Variants in SCGB2B2 observed in about 807,000 individuals in gnomAD.
SCGB2B2 encodes secretoglobin-like protein.
SCGB2B2 carries 11 observed loss-of-function variants against 7.6 expected under a neutral mutation model. That is an observed-to-expected ratio of 1.45 (90% CI 0.91 to 2.40). The LOEUF is 2.40. Among genes scored for constraint, SCGB2B2 ranks in the 30% most tolerant of loss-of-function variants. The pLI is 0.00. For synonymous variants in SCGB2B2, 50 were observed against 48.6 expected, an observed-to-expected ratio of 1.03 and a Z score of -0.12; for missense variants, 104 against 115.4, an observed-to-expected ratio of 0.90 and a Z score of 0.45.
intron 1 of SCGB2B2, among the ~76,000 whole-genome samples, chr19:34,665,612 T>TGTGTGC (rs1277646355): frequency 6.6e-6 from 1 of 151,902 alleles, no homozygotes; most frequent in Non-Finnish European, 1.5e-5. Flanking sequence ...GGGATGGATG[T>TGTGTGC]GTGTGACACA....
At chr19:34,671,019 G>C (rs1463659564) in intron 1 of SCGB2B2, among the ~76,000 whole-genome samples, 1 of 152,168 alleles carries the variant, frequency 6.6e-6, no homozygotes, top group African/African-American at 2.4e-5. Context: ...CGCCTCCCGG[G>C]TTCAAGCAGT....
chr19:34,599,607 C>G (rs544765352), intron 1 of SCGB2B2, among the ~76,000 whole-genome samples: 2 of 152,160 alleles, frequency 1.3e-5, no homozygotes, highest in South Asian at 4.1e-4. Flanking sequence ...AATCAATGAT[C>G]TCTCACTAGG....
Position 34,670,951 on chromosome 19 carries a change from T to C in SCGB2B2, c.-2032+4679A>G, listed in dbSNP as rs1203582738. Among the ~76,000 whole-genome samples, 4 of 151,892 alleles carry C rather than the reference T, an allele frequency of 2.6e-5. No homozygotes were observed. In the South Asian group the frequency reaches 8.3e-4, roughly 32 times the overall value. ...CTGGTTTGTTTGTTTTGAGATGGAG[T>C]CTTTCTCTGTCACCCAGGCTGGAGT... On this transcript the variant is annotated intron_variant, in intron 1 of 3. Coordinates refer to ENST00000601241, the MANE Select transcript of SCGB2B2 (RefSeq NM_001025591.4).
At chr19:34,672,497 T>C (rs2146210141) in intron 1 of SCGB2B2, among the ~76,000 whole-genome samples, 1 of 152,390 alleles carries the variant, frequency 6.6e-6, no homozygotes, top group East Asian at 1.9e-4. Context: ...TTTTGTATGT[T>C]GTGCTGTCGT....
chr19:34,674,265 A>G (rs1255804331), intron 1 of SCGB2B2, among the ~76,000 whole-genome samples: 3 of 152,326 alleles, frequency 2.0e-5, no homozygotes, highest in South Asian at 4.1e-4. Flanking sequence ...CCAAAGTGGC[A>G]GGGATCCTGG....
chr19:34,662,021 ATG>A (rs958844584), intron 1 of SCGB2B2, among the ~76,000 whole-genome samples: 4 of 152,058 alleles, frequency 2.6e-5, no homozygotes, highest in African/African-American at 9.7e-5. Flanking sequence ...CTAGGACTAC[ATG>A]TGTGTGCCAC....
intron 1 of SCGB2B2, among the ~76,000 whole-genome samples, chr19:34,640,006 T>C (rs11672207): frequency 0.29 from 44,339 of 151,944 alleles, 7,063 homozygotes; most frequent in Middle Eastern, 0.36. Context: ...TTGGGGAAAA[T>C]CTTGGACTTT....
chr19:34,597,889 T>TG (rs912201902), intron 1 of SCGB2B2, among the ~76,000 whole-genome samples: 13 of 151,638 alleles, frequency 8.6e-5, no homozygotes, highest in Admixed American at 8.5e-4. Context: ...GGGCAGGAGG[T>TG]GCCCTGGGGC....
intron 1 of SCGB2B2, among the ~76,000 whole-genome samples, chr19:34,606,132 T>A (rs1293443436): frequency 6.6e-6 from 1 of 151,996 alleles, no homozygotes; most frequent in Non-Finnish European, 1.5e-5. Flanking sequence ...TTTTAAAAAA[T>A]TTTACATAGT....
intron 1 of SCGB2B2, chr19:34,640,262 C>T (rs926738496): frequency 6.6e-6 from 1 of 152,110 alleles, no homozygotes; most frequent in African/African-American, 2.4e-5. Context: ...CCAGACCTGG[C>T]TAATTTTTAA....
intron 1 of SCGB2B2, chr19:34,646,047 C>A: frequency 3.7e-6 from 1 of 271,728 alleles, no homozygotes; most frequent in South Asian, 3.9e-5. Context: ...CCCAGAAAGC[C>A]TTGCTGTTGT....
At chr19:34,615,859 C>T (rs989114986) in intron 1 of SCGB2B2, among the ~76,000 whole-genome samples, 1 of 130,886 alleles carries the variant, frequency 7.6e-6, no homozygotes, top group Non-Finnish European at 1.6e-5. Context: ...CCACAACAGT[C>T]CCCAGAGTGT....
At chr19:34,672,979 C>T (rs935517864) in intron 1 of SCGB2B2, among the ~76,000 whole-genome samples, 4 of 148,942 alleles carry the variant, frequency 2.7e-5, no homozygotes, top group Non-Finnish European at 4.4e-5. Context: ...GTGGCGGGGG[C>T]GGGGGACAGA....
downstream of SCGB2B2, among the ~76,000 whole-genome samples, chr19:34,587,706 T>C (rs188751990): frequency 9.8e-5 from 15 of 152,354 alleles, no homozygotes; most frequent in Admixed American, 9.8e-4. Context: ...GCTACATTCC[T>C]TCTATACTCA....
chr19:34,652,075 T>A (rs1309640241), intron 1 of SCGB2B2, among the ~76,000 whole-genome samples: 1 of 150,868 alleles, frequency 6.6e-6, no homozygotes, highest in Non-Finnish European at 1.5e-5. Context: ...TGGATATCCG[T>A]ATGCCAAAAA....
intron 1 of SCGB2B2, among the ~76,000 whole-genome samples, chr19:34,602,745 G>A (rs1420768178): frequency 6.6e-6 from 1 of 152,106 alleles, no homozygotes; most frequent in African/African-American, 2.4e-5. Context: ...TGTAGTAATA[G>A]CTCCTTTTCC....
Position 34,594,831 on chromosome 19 carries a change from T to G in SCGB2B2, c.-268A>C. The G allele has an allele frequency of 2.1e-6, 1 of 478,122 alleles. No individual in the cohort carries two copies. The highest frequency in any genetic ancestry group is 3.8e-6 in the Non-Finnish European group (1 of 263,884). The allele number at this position is 478,122 out of a possible 1,614,324, so 29.6% of individuals were successfully genotyped here. A position where few individuals can be genotyped will look rare whatever the true frequency, so the allele number is the denominator to read the frequency against. Reference sequence around the variant, plus strand: ...GGGTGTTGTGACATTCTCTCTGTCCTCCCTGGAGCTCCCTGGGATTGGGAG... The same window carrying G: ...GGGTGTTGTGACATTCTCTCTGTCCGCCCTGGAGCTCCCTGGGATTGGGAG... On this transcript the variant is annotated 5_prime_UTR_variant, in exon 2 of 4. Coordinates refer to ENST00000601241, the MANE Select transcript of SCGB2B2 (RefSeq NM_001025591.4).
intron 1 of SCGB2B2, among the ~76,000 whole-genome samples, chr19:34,636,228 A>C (rs2066673768): frequency 6.6e-6 from 1 of 152,210 alleles, no homozygotes; most frequent in Non-Finnish European, 1.5e-5. Flanking sequence ...TGGGAGAGGC[A>C]GCCCTATCAC....
chr19:34,633,893 G>A (rs2066605311), intron 1 of SCGB2B2, among the ~76,000 whole-genome samples: 1 of 152,110 alleles, frequency 6.6e-6, no homozygotes, highest in Non-Finnish European at 1.5e-5. Context: ...TCATTCTTTG[G>A]AAGGGACAGC....
Sources: gnomAD v4.1 joint callset for allele counts (sites outside exome capture counted in the v4.1 genomes callset) on GRCh38, gnomAD v4.1.1 for gene constraint, MANE v1.5 for transcripts, NCBI Gene and HGNC (gene_info 2026-07-23, HGNC 2026-07-21) for gene names.